ROPN1B: variants seen among roughly 807,000 people sequenced by gnomAD.
ROPN1B encodes ropporin-1B.
ROPN1B carries 13 observed loss-of-function variants against 23.7 expected under a neutral mutation model. The ratio of observed to expected loss-of-function variants is 0.55; its 90% CI spans 0.36 to 0.87. The LOEUF is 0.87. Ranked by LOEUF, ROPN1B falls within the 40% of genes least tolerant of loss-of-function variation. The pLI, the probability that ROPN1B is intolerant of heterozygous loss-of-function variation, is 0.01. For synonymous variants in ROPN1B, 67 were observed against 100.4 expected, an observed-to-expected ratio of 0.67 and a Z score of 1.99; for missense variants, 183 against 249.2, an observed-to-expected ratio of 0.73 and a Z score of 1.79.
chr3:125,976,355 C>T (rs1311977242), intron 4 of ROPN1B, among the ~76,000 whole-genome samples: 1 of 152,212 alleles, frequency 6.6e-6, no homozygotes, highest in African/African-American at 2.4e-5. Context: ...AGCACTTCAT[C>T]GGGCATCTGT....
intron 2 of ROPN1B, among the ~76,000 whole-genome samples, 182 bp from the exon 3 acceptor site, chr3:125,971,861 A>G (rs1938217540): frequency 6.6e-6 from 1 of 152,238 alleles, no homozygotes; most frequent in Admixed American, 6.5e-5. Flanking sequence ...ACTATTTACA[A>G]CAAAAAGTAG....
In ROPN1B at chr3:125,983,247, CA is replaced by C. The variant is rs747605307; in HGVS notation, c.573-4del. 6.2e-6 allele frequency: 10 copies of C among 1,606,792 alleles called. No individual in the cohort carries two copies. The highest frequency in any genetic ancestry group is 2.7e-5 in the African/African-American group (2 of 74,760). On this transcript the variant is annotated splice_polypyrimidine_tract_variant and splice_region_variant and intron_variant, in intron 6 of 6. Transcript: ENST00000514116. ...AACTAACTGCAGATATACCTTTATC[CA>C]AACAGAATTGGTCCTGATGGTTTAA...
chr3:125,973,668 T>C (rs889887108), intron 3 of ROPN1B: 4 of 153,580 alleles, frequency 2.6e-5, no homozygotes, highest in Admixed American at 2.0e-4. Context: ...TCACGTGCTA[T>C]AATTTTTTTA....
chr3:125,980,580 A>G (rs1938578659), intron 5 of ROPN1B, among the ~76,000 whole-genome samples: 2 of 152,182 alleles, frequency 1.3e-5, no homozygotes, highest in Non-Finnish European at 2.9e-5. Context: ...TACTGACTTC[A>G]TTTTAACTTA....
chr3:125,980,724 TA>T (rs1459703536), intron 5 of ROPN1B, among the ~76,000 whole-genome samples: 4 of 151,832 alleles, frequency 2.6e-5, no homozygotes, highest in Non-Finnish European at 5.9e-5. Context: ...AACAAAGCAT[TA>T]GGGGTGCAGA....
Position 125,977,163 on chromosome 3 carries a change from G to GT in ROPN1B, c.396dup (p.Thr133TyrfsTer11). On this transcript the variant is annotated frameshift_variant and splice_region_variant, in exon 5 of 7. Coordinates refer to ENST00000514116, the MANE Select transcript of ROPN1B (RefSeq NM_001308313.2). LOFTEE classifies it high-confidence loss of function. ...AGCCCTTGCTTGCAGCGCTCTGGGA[G>GT]TTGTAAGTTAGCTTGACTGTTTTTT... The GT allele has an allele frequency of 8.6e-7, 1 of 1,162,536 alleles. No individual in the cohort carries two copies. Among genetic ancestry groups the GT allele is most frequent in the Non-Finnish European group, 1.3e-6 (1 of 786,778 alleles). 72.0% of individuals were successfully genotyped at this position (1,162,536 alleles called of 1,614,324 possible).
At chr3:125,975,053 C>T (rs1938353885) in intron 3 of ROPN1B, among the ~76,000 whole-genome samples, 1 of 152,038 alleles carries the variant, frequency 6.6e-6, no homozygotes, top group South Asian at 2.1e-4. Context: ...AATTATAGTT[C>T]GCTGCCTCCT....
At chr3:125,971,410 A>T in intron 2 of ROPN1B, among the ~76,000 whole-genome samples, 2 of 152,294 alleles carry the variant, frequency 1.3e-5, no homozygotes, top group East Asian at 3.9e-4. Flanking sequence ...ATGGAATTGT[A>T]TATATTTTAT....
At chr3:125,973,171 G>T (rs544280765) in intron 3 of ROPN1B, 38 of 347,572 alleles carry the variant, frequency 1.1e-4, no homozygotes, top group Non-Finnish European at 2.1e-4. Context: ...AAGCCAGTGA[G>T]TTGGGGAAGG....
At position 125,975,783 on chromosome 3, in the gene ROPN1B, T is replaced by G. The variant is rs563882319; in HGVS notation, c.234+103T>G. The G allele has an allele frequency of 1.9e-5, 19 of 991,538 alleles. No homozygotes were observed. In the East Asian group the frequency reaches 4.2e-4, roughly 22 times the overall value. The allele number at this position is 991,538 out of a possible 1,614,324, so 61.4% of individuals were successfully genotyped here. A position where few individuals can be genotyped will look rare whatever the true frequency, so the allele number is the denominator to read the frequency against. On this transcript the variant is annotated intron_variant, in intron 4 of 6. Coordinates refer to ENST00000514116, the MANE Select transcript of ROPN1B (RefSeq NM_001308313.2). ...TTCTCCTGCCAGTCAGCTGACCACT[T>G]AGCACCACCCTAAAATACACTAAAC...
At position 125,972,143 on chromosome 3, in the gene ROPN1B, C is replaced by A. The variant is rs200722264; in HGVS notation, c.89C>A (p.Pro30Gln). The change falls in exon 3 of 7, where the codon CCG becomes CAG. Residue 30 changes from proline (P) to glutamine (Q), a missense_variant. Coordinates refer to ENST00000514116, the MANE Select transcript of ROPN1B (RefSeq NM_001308313.2). ...GCCAAAGCCGCCATTCGGGCGCAGCCGCAGGACCTCATCCAGTGGGGGGCC... is the reference window on the plus strand; with the variant it reads ...GCCAAAGCCGCCATTCGGGCGCAGCAGCAGGACCTCATCCAGTGGGGGGCC... The part of the protein sequence containing the change: ...EFAKAAIRAQ[P>Q]QDLIQWGADY... The A allele has an allele frequency of 4.3e-6, 7 of 1,614,208 alleles. No homozygotes were observed. Among genetic ancestry groups the A allele is most frequent in the Non-Finnish European group, 5.9e-6 (7 of 1,180,022 alleles).
At chr3:125,972,730 ATTG>A in intron 3 of ROPN1B, 2 of 350,236 alleles carry the variant, frequency 5.7e-6, no homozygotes, top group East Asian at 8.0e-5. Flanking sequence ...TGAGGAAATT[ATTG>A]TTATTTTCTT....
intron 6 of ROPN1B, 23 bp downstream of exon 6, chr3:125,982,468 G>C: frequency 6.4e-7 from 1 of 1,572,508 alleles, no homozygotes; most frequent in African/African-American, 1.4e-5. Flanking sequence ...TTACCAATTG[G>C]AGGTGAAAGA....
chr3:125,977,621 AC>A (rs1938468984), intron 5 of ROPN1B: 1 of 190,238 alleles, frequency 5.3e-6, no homozygotes, highest in African/African-American at 2.4e-5. Context: ...GAAAGCAAAA[AC>A]AAAGAGAGAT....
intron 2 of ROPN1B, among the ~76,000 whole-genome samples, chr3:125,971,406 T>C (rs538940605): frequency 6.6e-6 from 1 of 152,218 alleles, no homozygotes; most frequent in East Asian, 1.9e-4. Flanking sequence ...GTGGATGGAA[T>C]TGTATATATT....
At chr3:125,977,998 T>C (rs1408597117) in intron 5 of ROPN1B, 2 of 152,264 alleles carry the variant, frequency 1.3e-5, no homozygotes, top group Non-Finnish European at 2.9e-5. Flanking sequence ...TTCTCAAATA[T>C]GCTTGGAATG....
In ROPN1B at chr3:125,982,359, G is replaced by C; in HGVS notation, c.486G>C (p.Gln162His). Residue 162 changes from glutamine (Q) to histidine (H), a missense_variant, in exon 6 of 7, where the codon CAG (glutamine) becomes CAC (histidine). Gln to His is a conservative substitution (Grantham distance 24). Coordinates refer to ENST00000514116, the MANE Select transcript of ROPN1B (RefSeq NM_001308313.2). ...CCCGAATCCCATTCAGCACCTTCCAGTTTCTCTACACGTATATTGCCGAAG... is the reference window on the plus strand; with the variant it reads ...CCCGAATCCCATTCAGCACCTTCCACTTTCTCTACACGTATATTGCCGAAG... ...GLPRIPFSTF[Q>H]FLYTYIAEVD... The C allele has an allele frequency of 6.2e-7, 1 of 1,613,458 alleles. No individual in the cohort carries two copies. The highest frequency in any genetic ancestry group is 8.5e-7 in the Non-Finnish European group (1 of 1,179,748).
chr3:125,980,989 G>A (rs1317207354), intron 5 of ROPN1B, among the ~76,000 whole-genome samples: 2 of 152,190 alleles, frequency 1.3e-5, no homozygotes, highest in East Asian at 3.9e-4. Flanking sequence ...AGGACCCCCA[G>A]GGACAGAGGA....
Position 125,981,729 on chromosome 3 carries a change from T to C in ROPN1B, c.397-541T>C, listed in dbSNP as rs570928711. 7.9e-5 allele frequency among the ~76,000 whole-genome samples: 12 copies of C among 152,288 alleles called. 1 individual carries two copies. The South Asian group carries it at 2.5e-3, about 32-fold the overall frequency. ...TAAAATGAAATAAAGCACTAGGTGA[T>C]TCTATTTAGATGGACCCAGATGCTT... On this transcript the variant is annotated intron_variant, in intron 5 of 6. Coordinates refer to ENST00000514116, the MANE Select transcript of ROPN1B (RefSeq NM_001308313.2).
Sources: allele counts gnomAD v4.1 joint callset (sites outside exome capture counted in the v4.1 genomes callset), GRCh38; gene constraint gnomAD v4.1.1; transcripts MANE v1.5; gene names NCBI Gene and HGNC (gene_info 2026-07-23, HGNC 2026-07-21).